Variants in TRPM3 observed in about 807,000 individuals in gnomAD.
TRPM3 encodes the protein transient receptor potential cation channel subfamily M member 3, also known as long transient receptor potential channel 3.
Under a neutral mutation model 181.2 loss-of-function variants are expected in TRPM3, and 77 were observed. The observed-to-expected ratio is 0.42, with a 90% confidence interval of 0.35 to 0.51. The LOEUF (loss-of-function observed/expected upper bound fraction) is 0.51. TRPM3 is among the 20% of genes least tolerant of loss of function. TRPM3 has a pLI of 0.01. For missense variants in TRPM3, 1,759 were observed against 2,196.7 expected, an observed-to-expected ratio of 0.80 and a Z score of 3.98; for synonymous variants, 745 against 796.4, an observed-to-expected ratio of 0.94 and a Z score of 1.09.
intron 8 of TRPM3, among the ~76,000 whole-genome samples, chr9:70,755,578 G>A (rs904180483): frequency 1.2e-4 from 18 of 151,870 alleles, no homozygotes; most frequent in African/African-American, 2.9e-4. Flanking sequence ...TCATGTTGAG[G>A]CTGGTCTCGA....
At chr9:71,045,526 T>G (rs1463892911) in intron 1 of TRPM3, among the ~76,000 whole-genome samples, 1 of 152,188 alleles carries the variant, frequency 6.6e-6, no homozygotes, top group Non-Finnish European at 1.5e-5. Flanking sequence ...TAAATATTTG[T>G]GTACTGAATA....
At chr9:71,110,765 G>A (rs1036785217) in intron 1 of TRPM3, among the ~76,000 whole-genome samples, 43 of 152,208 alleles carry the variant, frequency 2.8e-4, no homozygotes, top group African/African-American at 4.6e-4. Flanking sequence ...TTTTTTGTCC[G>A]TTTGATCATG....
chr9:71,331,809 CGAGGAGAGAGGAGAAGGAAGAGGAGAG>C (rs2090163661), intron 1 of TRPM3, among the ~76,000 whole-genome samples: 10 of 4,392 alleles, frequency 2.3e-3, no homozygotes, highest in Non-Finnish European at 3.1e-3. Flanking sequence ...AGGAGAAAGA[CGAGGAGAGAGGAGAAGGAAGAGGAGAG>C]GGAGGAGGAG....
intron 1 of TRPM3, among the ~76,000 whole-genome samples, chr9:71,010,919 A>T (rs1360743489): frequency 1.9e-5 from 2 of 106,236 alleles, no homozygotes; most frequent in African/African-American, 6.0e-5. Context: ...AATGACACAC[A>T]CACACACACA....
rs192668166 is a variant in TRPM3, at chr9:70,926,054, C to G, written c.178-61543G>C. On this transcript the variant is annotated intron_variant, in intron 1 of 25. Coordinates refer to ENST00000677713, the MANE Select transcript of TRPM3 (RefSeq NM_001366145.2). ...TAAAATCAATCCACAATCCGCAAGT[C>G]TCAAACAACTATCACTCATCCACAT... 5.8e-4 allele frequency among the ~76,000 whole-genome samples: 87 copies of G among 151,256 alleles called. 1 individual carries two copies. Among genetic ancestry groups the G allele is most frequent in the Middle Eastern group, 3.5e-3 (1 of 288 alleles).
At chr9:70,810,326 C>T (rs576800503) in intron 6 of TRPM3, among the ~76,000 whole-genome samples, 4 of 149,634 alleles carry the variant, frequency 2.7e-5, no homozygotes, top group Admixed American at 2.7e-4. Context: ...GCCTCCAACC[C>T]CACCCTCCTC....
intron 1 of TRPM3, among the ~76,000 whole-genome samples, chr9:71,224,465 C>T (rs919826842): frequency 6.6e-6 from 1 of 152,180 alleles, no homozygotes; most frequent in African/African-American, 2.4e-5. Context: ...AAAACTACAA[C>T]AAGTATCTAA....
At chr9:70,640,741 CCT>C in intron 9 of TRPM3, 81 bp from the exon 10 acceptor site, 1 of 1,076,004 alleles carries the variant, frequency 9.3e-7, no homozygotes. Flanking sequence ...CTGCTCCATC[CCT>C]CTGCCATTAA....
chr9:70,787,120 A>G (rs1344515602), intron 6 of TRPM3, among the ~76,000 whole-genome samples: 2 of 152,226 alleles, frequency 1.3e-5, no homozygotes, highest in Non-Finnish European at 2.9e-5. Context: ...TTCTCTGTCA[A>G]TATATTTGTC....
At chr9:70,853,983 G>A (rs1475897216) in intron 3 of TRPM3, among the ~76,000 whole-genome samples, 1 of 152,190 alleles carries the variant, frequency 6.6e-6, no homozygotes, top group East Asian at 1.9e-4. Context: ...TGCTCATAAA[G>A]ATCAGTTCCT....
chr9:71,300,930 T>G (rs1028392575), intron 1 of TRPM3, among the ~76,000 whole-genome samples: 4 of 152,160 alleles, frequency 2.6e-5, no homozygotes, highest in African/African-American at 7.2e-5. Flanking sequence ...AAGTAGCACC[T>G]TGAAATTTGA....
intron 22 of TRPM3, among the ~76,000 whole-genome samples, chr9:70,554,848 A>G (rs1271095002): frequency 2.0e-5 from 3 of 152,220 alleles, no homozygotes; most frequent in Non-Finnish European, 4.4e-5. Flanking sequence ...CTGCCTGCCA[A>G]GATGACTGGA....
intron 5 of TRPM3, among the ~76,000 whole-genome samples, chr9:70,842,178 GCATCACAGTCTGTCC>G (rs1221252962): frequency 8.0e-4 from 122 of 152,120 alleles, no homozygotes; most frequent in African/African-American, 2.9e-3. Context: ...CCACTCAAAT[GCATCACAGTCTGTCC>G]CATTTAGGTA....
intron 1 of TRPM3, among the ~76,000 whole-genome samples, chr9:71,306,978 C>T (rs1162017046): frequency 6.6e-6 from 1 of 152,254 alleles, no homozygotes; most frequent in Admixed American, 6.5e-5. Flanking sequence ...GACATTACTA[C>T]AAAACTTAAC....
chr9:71,186,515 A>T (rs1220012055), intron 1 of TRPM3, among the ~76,000 whole-genome samples: 2 of 151,978 alleles, frequency 1.3e-5, no homozygotes, highest in South Asian at 2.1e-4. Flanking sequence ...CCTGTCTCCA[A>T]GGGCATTTAG....
At chr9:70,840,418 C>T (rs1356260782) in intron 5 of TRPM3, among the ~76,000 whole-genome samples, 1 of 152,100 alleles carries the variant, frequency 6.6e-6, no homozygotes, top group African/African-American at 2.4e-5. Flanking sequence ...CCACCTGGTT[C>T]TTTGTGAGCT....
intron 1 of TRPM3, among the ~76,000 whole-genome samples, chr9:71,360,863 C>T (rs946819299): frequency 7.3e-5 from 11 of 151,634 alleles, no homozygotes; most frequent in Non-Finnish European, 1.5e-5. Context: ...TAAAATGATC[C>T]AGAAAAAAAA....
At chr9:71,275,712 T>C (rs2084151868) in intron 1 of TRPM3, among the ~76,000 whole-genome samples, 1 of 152,182 alleles carries the variant, frequency 6.6e-6, no homozygotes, top group South Asian at 2.1e-4. Context: ...GGAGTAGTGA[T>C]TAACAAACAG....
chr9:71,417,416 C>T (rs1489891352), intron 1 of TRPM3, among the ~76,000 whole-genome samples: 1 of 151,860 alleles, frequency 6.6e-6, no homozygotes, highest in Non-Finnish European at 1.5e-5. Context: ...TCTTTATGTG[C>T]TTATTGACTA....
Sources: gnomAD v4.1 joint callset for allele counts (sites outside exome capture counted in the v4.1 genomes callset) on GRCh38, gnomAD v4.1.1 for gene constraint, MANE v1.5 for transcripts, NCBI Gene and HGNC (gene_info 2026-07-23, HGNC 2026-07-21) for gene names.